The following TBL1X variants were observed in gnomAD, a reference collection of about 807,000 sequenced individuals.
The protein encoded by TBL1X is transducin beta like 1 X-linked, also known as F-box-like/WD repeat-containing protein TBL1X.
TBL1X carries 10 observed loss-of-function variants against 50.7 expected under a neutral mutation model. The ratio of observed to expected loss-of-function variants is 0.20; its 90% CI spans 0.12 to 0.33. TBL1X has a LOEUF of 0.33. Among genes scored for constraint, TBL1X ranks in the 10% least tolerant of loss-of-function variants. The pLI, the probability that TBL1X is intolerant of heterozygous loss-of-function variation, is 1.00. For missense variants in TBL1X, 340 were observed against 504.4 expected (o/e 0.67, Z 3.12); for synonymous variants, 190 against 214.7 (o/e 0.88, Z 1.01).
chrX:9,680,959 CT>C (rs1296151748), intron 5 of TBL1X, among the ~76,000 whole-genome samples: 1 of 112,664 alleles, frequency 8.9e-6, no homozygotes, highest in African/African-American at 3.2e-5. Context: ...CTTAGTCCAT[CT>C]TTACTGGTTC....
chrX:9,684,242 G>A (rs1348287052), intron 6 of TBL1X, 54 bp downstream of exon 6: 1 of 1,196,630 alleles, frequency 8.4e-7, no homozygotes, highest in Non-Finnish European at 1.1e-6. Flanking sequence ...GAAGCTGCAG[G>A]AGCTTGGAAC....
chrX:9,651,119 C>G (rs756651999), intron 3 of TBL1X, among the ~76,000 whole-genome samples: 1 of 101,103 alleles, frequency 9.9e-6, no homozygotes, highest in Non-Finnish European at 2.0e-5. Context: ...CCTCGACTTC[C>G]CAGGCTCAGA....
chrX:9,585,094 T>C lies in TBL1X; in HGVS notation c.-130-55179T>C, dbSNP rs181606946. Among the ~76,000 whole-genome samples the C allele has an allele frequency of 3.2e-3, 354 of 111,905 alleles. 2 individuals are homozygous for C. Among genetic ancestry groups the C allele is most frequent in the African/African-American group, 0.011 (339 of 30,805 alleles). On this transcript the variant is annotated intron_variant, in intron 2 of 17. Coordinates refer to ENST00000645353, the MANE Select transcript of TBL1X (RefSeq NM_005647.4). ...ATGTCAAAGGGACCATTTAAAAATT[T>C]CCAGTCTGAGGTGGGTGCCTTTGTG...
At chrX:9,552,767 C>T (rs1251570553) in intron 2 of TBL1X, among the ~76,000 whole-genome samples, 1 of 111,847 alleles carries the variant, frequency 8.9e-6, no homozygotes, top group Non-Finnish European at 1.9e-5. Context: ...AATAATGGCC[C>T]TCAAGGTGTA....
intron 16 of TBL1X, among the ~76,000 whole-genome samples, chrX:9,714,359 G>T (rs1231167137): frequency 1.8e-5 from 2 of 111,843 alleles, no homozygotes; most frequent in Non-Finnish European, 3.8e-5. Context: ...ATTCATTCAG[G>T]TCCTCCAAAG....
At chrX:9,567,207 C>G (rs2082355669) in intron 2 of TBL1X, among the ~76,000 whole-genome samples, 2 of 111,440 alleles carry the variant, frequency 1.8e-5, no homozygotes, top group African/African-American at 6.5e-5. Context: ...AGTGTAGTTT[C>G]CATGATCTTT....
In TBL1X at chrX:9,697,923, A is replaced by G. The variant is rs770242933; in HGVS notation, c.1114+494A>G. Among the ~76,000 whole-genome samples the G allele has an allele frequency of 2.7e-5, 3 of 111,819 alleles. No individual in the cohort carries two copies. The East Asian group carries it at 8.5e-4, about 32-fold the overall frequency. ...ACAAAGCAAGACCCCGTTTCTACAA[A>G]AAATATAAAACATTAGTCGGGTGTT... On this transcript the variant is annotated intron_variant, in intron 12 of 17. Transcript: ENST00000645353.
intron 6 of TBL1X, among the ~76,000 whole-genome samples, chrX:9,685,568 A>G (rs886642026): frequency 9.0e-6 from 1 of 111,287 alleles, no homozygotes; most frequent in African/African-American, 3.3e-5. Context: ...TGGCAGTCAC[A>G]TTCTTCCAGG....
chrX:9,527,361 G>A (rs1371228047), intron 2 of TBL1X, among the ~76,000 whole-genome samples: 2 of 111,689 alleles, frequency 1.8e-5, no homozygotes, highest in Non-Finnish European at 3.8e-5. Context: ...TCTCGTCTCT[G>A]TTGTATTTAT....
At chrX:9,489,626 G>A (rs958381836) in intron 1 of TBL1X, among the ~76,000 whole-genome samples, 1 of 111,363 alleles carries the variant, frequency 9.0e-6, no homozygotes, top group Non-Finnish European at 1.9e-5. Context: ...CTCCCATCAG[G>A]TATAGGAAGC....
chrX:9,497,769 CCTCCCTCTCTCT>C (rs2081979143), intron 1 of TBL1X, among the ~76,000 whole-genome samples: 2 of 48,410 alleles, frequency 4.1e-5, no homozygotes, highest in Non-Finnish European at 7.5e-5. Flanking sequence ...TCCCTCCCTC[CCTCCCTCTCTCT>C]CTCCCTCCCT....
chrX:9,667,145 C>T (rs1295041080), intron 5 of TBL1X, among the ~76,000 whole-genome samples: 1 of 111,568 alleles, frequency 9.0e-6, no homozygotes, highest in Non-Finnish European at 1.9e-5. Context: ...GCCTGTAGTT[C>T]CAGCTACTTG....
chrX:9,562,630 A>G (rs756224391), intron 2 of TBL1X, among the ~76,000 whole-genome samples: 20 of 112,118 alleles, frequency 1.8e-4, no homozygotes, highest in Non-Finnish European at 2.8e-4. Flanking sequence ...ATATTCAATG[A>G]CTTGCCTGAA....
At chrX:9,562,029 C>T (rs1429410400) in intron 2 of TBL1X, among the ~76,000 whole-genome samples, 2 of 112,142 alleles carry the variant, frequency 1.8e-5, no homozygotes, top group Middle Eastern at 4.2e-3. Context: ...TAAAATTAAG[C>T]TTCATCCTCA....
At chrX:9,568,710 C>G (rs767770073) in intron 2 of TBL1X, among the ~76,000 whole-genome samples, 2 of 100,465 alleles carry the variant, frequency 2.0e-5, no homozygotes, top group Non-Finnish European at 4.0e-5. Flanking sequence ...TGTGTTGTGT[C>G]TATCTGCAGT....
chrX:9,543,873 C>T (rs994718582), intron 2 of TBL1X, among the ~76,000 whole-genome samples: 1 of 111,722 alleles, frequency 9.0e-6, no homozygotes, highest in Admixed American at 9.5e-5. Flanking sequence ...TGGAGCAGGC[C>T]ACCACCCTTG....
chrX:9,711,832 C>T (rs2083249214), intron 16 of TBL1X, 56 bp downstream of exon 16: 6 of 1,123,538 alleles, frequency 5.3e-6, no homozygotes, highest in Middle Eastern at 2.8e-4. Flanking sequence ...CAAATAGCCA[C>T]GACTCCAGTG....
intron 5 of TBL1X, among the ~76,000 whole-genome samples, chrX:9,672,220 G>A (rs955204426): frequency 8.9e-6 from 1 of 111,968 alleles, no homozygotes; most frequent in African/African-American, 3.2e-5. Flanking sequence ...ATGTGAAAAT[G>A]TCTAAGAGAG....
Position 9,693,317 on chromosome X carries a change from A to G in TBL1X, c.956-5A>G. ...TGAGGTCAACATGTTTGTTTTTACTAACAGGTAACCTGGCCAGCACCTTAG... is the reference window on the plus strand; with the variant it reads ...TGAGGTCAACATGTTTGTTTTTACTGACAGGTAACCTGGCCAGCACCTTAG... On this transcript the variant is annotated splice_region_variant and splice_polypyrimidine_tract_variant and intron_variant, in intron 10 of 17. Transcript: ENST00000645353. 8.3e-7 allele frequency: 1 copy of G among 1,211,565 alleles called. No individual in the cohort carries two copies. Among genetic ancestry groups the G allele is most frequent in the South Asian group, 1.8e-5 (1 of 56,969 alleles).
Sources: allele counts gnomAD v4.1 joint callset (sites outside exome capture counted in the v4.1 genomes callset), GRCh38; gene constraint gnomAD v4.1.1; transcripts MANE v1.5; gene names NCBI Gene and HGNC (gene_info 2026-07-23, HGNC 2026-07-21).